SYT1: variants seen among roughly 807,000 people sequenced by gnomAD.
The protein encoded by SYT1 is synaptotagmin 1.
SYT1 carries 8 observed loss-of-function variants against 44.8 expected under a neutral mutation model. That is an observed-to-expected ratio of 0.18 (90% CI 0.10 to 0.32). The LOEUF (loss-of-function observed/expected upper bound fraction) is 0.32, where lower values mean the gene tolerates loss of function less well. Ranked by LOEUF, SYT1 falls within the 10% of genes least tolerant of loss-of-function variation. SYT1 has a pLI of 1.00. For synonymous variants in SYT1, 154 were observed against 188.8 expected (o/e 0.82, Z 1.51); for missense variants, 286 against 509.3 (o/e 0.56, Z 4.22).
At chr12:79,255,903 C>T (rs1040369026) in intron 4 of SYT1, among the ~76,000 whole-genome samples, 1 of 152,142 alleles carries the variant, frequency 6.6e-6, no homozygotes, top group Admixed American at 6.5e-5. Context: ...CATTATTAGA[C>T]AGATGCCTAA....
At chr12:78,882,327 G>A (rs1284781349) in intron 1 of SYT1, among the ~76,000 whole-genome samples, 1 of 151,694 alleles carries the variant, frequency 6.6e-6, no homozygotes, top group Non-Finnish European at 1.5e-5. Flanking sequence ...AGGATGAGCA[G>A]GCTTGGTTAA....
At chr12:79,159,271 A>T (rs1162293295) in intron 3 of SYT1, among the ~76,000 whole-genome samples, 1 of 152,186 alleles carries the variant, frequency 6.6e-6, no homozygotes, top group East Asian at 1.9e-4. Context: ...TGATGCATAC[A>T]TATCATATTC....
At chr12:79,269,640 C>T (rs1176502897) in intron 4 of SYT1, among the ~76,000 whole-genome samples, 1 of 151,942 alleles carries the variant, frequency 6.6e-6, no homozygotes, top group Non-Finnish European at 1.5e-5. Context: ...TCTTCCAGAC[C>T]TGGAGAACAA....
chr12:79,198,567 C>T (rs1873595159), intron 3 of SYT1, among the ~76,000 whole-genome samples: 2 of 151,722 alleles, frequency 1.3e-5, no homozygotes, highest in Non-Finnish European at 2.9e-5. Flanking sequence ...TAGAATTACA[C>T]TTAAAATTAT....
intron 3 of SYT1, among the ~76,000 whole-genome samples, chr12:79,189,961 T>C (rs1242164691): frequency 1.3e-5 from 2 of 152,126 alleles, no homozygotes; most frequent in African/African-American, 2.4e-5. Flanking sequence ...GAAAAAGTGC[T>C]GGAAGTGGCA....
intron 2 of SYT1, among the ~76,000 whole-genome samples, chr12:79,007,003 C>T (rs17046221): frequency 0.16 from 24,358 of 151,958 alleles, 2,320 homozygotes; most frequent in African/African-American, 0.27. Context: ...ACAAATATAC[C>T]CCTAAGCTCT....
chr12:79,065,790 C>T (rs1267962842), intron 3 of SYT1, among the ~76,000 whole-genome samples: 1 of 152,052 alleles, frequency 6.6e-6, no homozygotes, highest in East Asian at 1.9e-4. Flanking sequence ...TTTTTGTGCA[C>T]TTATGCGCAC....
At chr12:79,231,590 A>C (rs1875870893) in intron 4 of SYT1, among the ~76,000 whole-genome samples, 1 of 152,148 alleles carries the variant, frequency 6.6e-6, no homozygotes. Flanking sequence ...GTCCATAAAA[A>C]CTCAGAAAAG....
chr12:79,299,462 A>G lies in SYT1; in HGVS notation c.721A>G (p.Ile241Val). ...DFDRFSKHDIIGEFKVPMNTV... is the reference protein window; with the variant it reads ...DFDRFSKHDIVGEFKVPMNTV... Reference sequence around the variant, plus strand: ...TGATCGTTTCTCTAAGCATGACATCATTGGAGAATTTAAAGTCCCTATGAA... The same window carrying G: ...TGATCGTTTCTCTAAGCATGACATCGTTGGAGAATTTAAAGTCCCTATGAA... The change falls in exon 8 of 11, where the codon ATT becomes GTT. Residue 241 changes from isoleucine to valine, a missense_variant. This residue lies in a region of SYT1 where 81 missense variants were observed against 164.9 expected (regional missense o/e 0.49). Coordinates refer to ENST00000261205, the MANE Select transcript of SYT1 (RefSeq NM_005639.3). The G allele has an allele frequency of 1.2e-6, 2 of 1,613,630 alleles. No homozygotes were observed. The highest frequency in any genetic ancestry group is 1.7e-6 in the Non-Finnish European group (2 of 1,179,656).
In SYT1 at chr12:79,329,533, G is replaced by GC. The variant is rs535257150; in HGVS notation, c.811-23968dup. On this transcript the variant is annotated intron_variant, in intron 8 of 10. Transcript: ENST00000261205. ...TGAATAATAATGAAATAACTAGCAT[G>GC]CATGTACACTTTCCACATTCTAGGC... 1.3e-3 allele frequency among the ~76,000 whole-genome samples: 198 copies of GC among 152,336 alleles called. 3 individuals are homozygous for GC. The highest frequency in any genetic ancestry group is 4.5e-3 in the African/African-American group (189 of 41,568).
At chr12:79,414,530 T>A (rs757747881) in intron 9 of SYT1, among the ~76,000 whole-genome samples, 3 of 152,168 alleles carry the variant, frequency 2.0e-5, no homozygotes, top group Non-Finnish European at 4.4e-5. Flanking sequence ...TTCTCTCCTT[T>A]ATCGCACAAA....
At chr12:78,978,029 G>A (rs1301013526) in intron 2 of SYT1, 98 bp downstream of exon 2, 1 of 152,230 alleles carries the variant, frequency 6.6e-6, no homozygotes, top group Non-Finnish European at 1.5e-5. Context: ...CCGGCGGAGG[G>A]AAGGGTAGTA....
At chr12:78,984,608 A>T (rs1168765396) in intron 2 of SYT1, among the ~76,000 whole-genome samples, 1 of 151,996 alleles carries the variant, frequency 6.6e-6, no homozygotes, top group Non-Finnish European at 1.5e-5. Context: ...ATAATTACAA[A>T]TTAGAAAACA....
chr12:79,018,523 C>A (rs531208787), intron 2 of SYT1, among the ~76,000 whole-genome samples: 33 of 152,104 alleles, frequency 2.2e-4, no homozygotes, highest in African/African-American at 7.9e-4. Flanking sequence ...TTATTAAAGT[C>A]TTTCCTCTTA....
intron 1 of SYT1, chr12:78,868,573 T>C (rs2137030809): frequency 6.6e-6 from 1 of 151,984 alleles, no homozygotes; most frequent in African/African-American, 2.4e-5. Flanking sequence ...TAAGGATATG[T>C]GTGTGTATAT....
Position 79,367,676 on chromosome 12 carries a change from G to A in SYT1, c.928+14057G>A, listed in dbSNP as rs117419333. Among the ~76,000 whole-genome samples the A allele has an allele frequency of 1.8e-3, 268 of 151,400 alleles. 4 individuals carry two copies. In the East Asian group the frequency reaches 0.045, roughly 26 times the overall value. ...ATATCTCCAGGCTGTGCCCATCTTG[G>A]CATTTCAAAAAAAAAATAGAAAAAC... On this transcript the variant is annotated intron_variant, in intron 9 of 10. Transcript: ENST00000261205.
At chr12:78,974,882 G>T (rs1219296043) in intron 1 of SYT1, among the ~76,000 whole-genome samples, 1 of 151,938 alleles carries the variant, frequency 6.6e-6, no homozygotes, top group Non-Finnish European at 1.5e-5. Context: ...AAAGAAATTA[G>T]ATCGTCCAGA....
intron 2 of SYT1, among the ~76,000 whole-genome samples, chr12:78,980,288 A>G (rs914372101): frequency 1.3e-5 from 2 of 152,192 alleles, no homozygotes; most frequent in Non-Finnish European, 2.9e-5. Context: ...GAAAGACTAC[A>G]GAGAATGTTT....
intron 3 of SYT1, among the ~76,000 whole-genome samples, chr12:79,152,217 C>CTCTGGTTT (rs1870314633): frequency 1.3e-5 from 2 of 152,120 alleles, no homozygotes; most frequent in Admixed American, 6.5e-5. Context: ...AATGTGGAAA[C>CTCTGGTTT]CAGACTTCAA....
Sources: gnomAD v4.1 joint callset for allele counts (sites outside exome capture counted in the v4.1 genomes callset) on GRCh38, gnomAD v4.1.1 for gene constraint, gnomAD v4.1.1 regional missense constraint, MANE v1.5 for transcripts, NCBI Gene and HGNC (gene_info 2026-07-23, HGNC 2026-07-21) for gene names.